SCAPER: variants seen among roughly 807,000 people sequenced by gnomAD.
The protein encoded by SCAPER is S-phase cyclin A associated protein in the ER, also known as S phase cyclin A-associated protein in the endoplasmic reticulum.
A neutral mutation model predicts 182.2 loss-of-function variants in SCAPER; 98 were observed. The ratio of observed to expected loss-of-function variants is 0.54; its 90% CI spans 0.46 to 0.64. SCAPER has a LOEUF of 0.64. Among genes scored for constraint, SCAPER ranks in the 30% least tolerant of loss-of-function variants. The pLI, the probability that SCAPER is intolerant of heterozygous loss-of-function variation, is 0.00. For missense variants in SCAPER, 1,432 were observed against 1,690.0 expected (o/e 0.85, Z 2.68); for synonymous variants, 605 against 564.6 (o/e 1.07, Z -1.01).
chr15:76,447,095 G>A (rs2048052675), intron 25 of SCAPER, among the ~76,000 whole-genome samples: 1 of 152,120 alleles, frequency 6.6e-6, no homozygotes, highest in East Asian at 1.9e-4. Flanking sequence ...AGGTTAAGCT[G>A]ATCACCAATG....
At chr15:76,624,537 C>T (rs1420003493) in intron 21 of SCAPER, among the ~76,000 whole-genome samples, 1 of 152,178 alleles carries the variant, frequency 6.6e-6, no homozygotes, top group Non-Finnish European at 1.5e-5. Context: ...TCTTCACCTT[C>T]TGGGACACTG....
In SCAPER at chr15:76,751,513, C is replaced by T. The variant is rs561212634; in HGVS notation, c.1866+2295G>A. Among the ~76,000 whole-genome samples, 6 of 151,896 alleles carry T rather than the reference C, an allele frequency of 4.0e-5. 1 individual carries two copies. Among genetic ancestry groups the T allele is most frequent in the African/African-American group, 1.4e-4 (6 of 41,534 alleles). ...CTACAATCATGAAAACAGTATAGTA[C>T]TAGCACTAAAACAGACATATAGACC... On this transcript the variant is annotated intron_variant, in intron 15 of 31. Coordinates refer to ENST00000563290, the MANE Select transcript of SCAPER (RefSeq NM_020843.4).
At chr15:76,676,844 A>T (rs1341286606) in intron 20 of SCAPER, among the ~76,000 whole-genome samples, 1 of 151,188 alleles carries the variant, frequency 6.6e-6, no homozygotes, top group African/African-American at 2.4e-5. Flanking sequence ...AGCAGGCATT[A>T]CTTTGTTTTT....
chr15:76,719,603 C>T (rs1012715566), intron 17 of SCAPER, among the ~76,000 whole-genome samples: 3 of 152,042 alleles, frequency 2.0e-5, no homozygotes, highest in Non-Finnish European at 2.9e-5. Context: ...TATGTTAGTT[C>T]GCTTCACTAT....
chr15:76,840,279 G>C (rs115162200), intron 5 of SCAPER, among the ~76,000 whole-genome samples: 2,359 of 152,012 alleles, frequency 0.016, 63 homozygotes, highest in African/African-American at 0.055. Flanking sequence ...AATTAGCCAG[G>C]CATGGTGGCA....
chr15:76,673,559 G>A (rs909961211), intron 20 of SCAPER, among the ~76,000 whole-genome samples: 1 of 151,976 alleles, frequency 6.6e-6, no homozygotes, highest in Non-Finnish European at 1.5e-5. Context: ...CTGATATTTG[G>A]TATGGAAGAA....
At chr15:76,423,634 A>G (rs1467376918) in intron 26 of SCAPER, among the ~76,000 whole-genome samples, 1 of 151,904 alleles carries the variant, frequency 6.6e-6, no homozygotes, top group African/African-American at 2.4e-5. Flanking sequence ...TTCTGCTCTC[A>G]TCTTAGTTAT....
intron 20 of SCAPER, among the ~76,000 whole-genome samples, chr15:76,679,768 G>A (rs542365119): frequency 6.6e-6 from 1 of 152,154 alleles, no homozygotes; most frequent in South Asian, 2.1e-4. Context: ...CTGGTAGGTG[G>A]CAATGATGAA....
chr15:76,681,402 T>C (rs1235503845), intron 20 of SCAPER, among the ~76,000 whole-genome samples: 3 of 152,224 alleles, frequency 2.0e-5, no homozygotes, highest in African/African-American at 4.8e-5. Flanking sequence ...AGGCACAAGC[T>C]ATCTGTAAGA....
At chr15:76,785,766 C>G (rs1395423700) in intron 8 of SCAPER, among the ~76,000 whole-genome samples, 1 of 152,100 alleles carries the variant, frequency 6.6e-6, no homozygotes, top group African/African-American at 2.4e-5. Context: ...TCTCAGCAAA[C>G]TATCACAAGG....
chr15:76,524,689 GTTTTTTTTTT>G (rs35944222), intron 23 of SCAPER, among the ~76,000 whole-genome samples: 3 of 50,116 alleles, frequency 6.0e-5, no homozygotes, highest in African/African-American at 8.3e-5. Flanking sequence ...TTTTTGTTCT[GTTTTTTTTTT>G]TTTTTTTTTT....
intron 5 of SCAPER, among the ~76,000 whole-genome samples, chr15:76,813,884 C>T (rs28804114): frequency 0.044 from 6,761 of 152,154 alleles, 444 homozygotes; most frequent in African/African-American, 0.14. Flanking sequence ...AACATTCATA[C>T]AGGCTGGGTG....
At chr15:76,689,697 A>T (rs1392028601) in intron 20 of SCAPER, among the ~76,000 whole-genome samples, 2 of 151,918 alleles carry the variant, frequency 1.3e-5, no homozygotes, top group African/African-American at 4.8e-5. Flanking sequence ...AAAACAAAAA[A>T]AAAAACAGAG....
chr15:76,814,891 T>C (rs1472652013), intron 5 of SCAPER, among the ~76,000 whole-genome samples: 1 of 150,970 alleles, frequency 6.6e-6, no homozygotes, highest in African/African-American at 2.4e-5. Flanking sequence ...ATCCAAACTA[T>C]ATAAGGAACT....
Position 76,686,102 on chromosome 15 carries a change from AATAG to A in SCAPER, c.2508+15652_2508+15655del, listed in dbSNP as rs544081519. Reference sequence around the variant, plus strand: ...GATTGTTGAAATTAATATTTTTCCTAATAGATATAAGAATATGAAAATCTAAGTT... The same window carrying A: ...GATTGTTGAAATTAATATTTTTCCTAATATAAGAATATGAAAATCTAAGTT... On this transcript the variant is annotated intron_variant, in intron 20 of 31. Coordinates refer to ENST00000563290, the MANE Select transcript of SCAPER (RefSeq NM_020843.4). 2.2e-4 allele frequency among the ~76,000 whole-genome samples: 34 copies of A among 152,186 alleles called. 1 individual carries two copies. In the East Asian group the frequency reaches 6.4e-3, roughly 29 times the overall value.
rs2063156449 is a variant in SCAPER at position 76,767,029 on chromosome 15, A to G, written c.1308T>C (p.Asn436=). The change falls in exon 11 of 32, where the codon AAT becomes AAC. Residue 436 remains asparagine, a synonymous_variant. Coordinates refer to ENST00000563290, the MANE Select transcript of SCAPER (RefSeq NM_020843.4). ...CAATAGCACTAGCAATGGCTTCTTC[A>G]TTGGCCTTTTCTAGACGATCTGCTA... The part of the protein sequence containing the change: ...EELADRLEKA[N]EEAIASAIAE... 1.2e-6 allele frequency: 2 copies of G among 1,605,612 alleles called. No homozygotes were observed. The highest frequency in any genetic ancestry group is 1.7e-6 in the Non-Finnish European group (2 of 1,175,424).
intron 5 of SCAPER, among the ~76,000 whole-genome samples, chr15:76,819,969 C>A (rs1290683664): frequency 1.3e-5 from 2 of 152,124 alleles, no homozygotes; most frequent in Non-Finnish European, 2.9e-5. Flanking sequence ...ATTTATGCAG[C>A]CAAAAGACAC....
At chr15:76,888,033 A>C (rs2073946965) in intron 1 of SCAPER, among the ~76,000 whole-genome samples, 1 of 152,202 alleles carries the variant, frequency 6.6e-6, no homozygotes, top group Non-Finnish European at 1.5e-5. Flanking sequence ...ACCCAGGCAA[A>C]CAGTGTCTGG....
chr15:76,607,424 AC>A (rs999708666), intron 22 of SCAPER, among the ~76,000 whole-genome samples: 1 of 152,102 alleles, frequency 6.6e-6, no homozygotes, highest in African/African-American at 2.4e-5. Flanking sequence ...GGGTAACCTG[AC>A]CTTTGTCTCT....
Sources: gnomAD v4.1 joint callset for allele counts (sites outside exome capture counted in the v4.1 genomes callset) on GRCh38, gnomAD v4.1.1 for gene constraint, MANE v1.5 for transcripts, NCBI Gene and HGNC (gene_info 2026-07-23, HGNC 2026-07-21) for gene names.